Variants in KLRG1 observed in about 807,000 individuals in gnomAD.
KLRG1 encodes the protein killer cell lectin-like receptor subfamily G member 1.
A neutral mutation model predicts 21.8 loss-of-function variants in KLRG1; 16 were observed. The ratio of observed to expected loss-of-function variants is 0.73; its 90% CI spans 0.50 to 1.11. KLRG1 has a LOEUF of 1.11. KLRG1 is among the 50% of genes most tolerant of loss of function. The pLI is 0.00. For synonymous variants in KLRG1, 69 were observed against 75.9 expected, an observed-to-expected ratio of 0.91 and a Z score of 0.47; for missense variants, 173 against 218.3, an observed-to-expected ratio of 0.79 and a Z score of 1.31.
the KLRG1 span, among the ~76,000 whole-genome samples, chr12:9,037,615 A>G: frequency 0.24 from 35,789 of 152,006 alleles, 4,866 homozygotes; most frequent in East Asian, 0.32. Flanking sequence ...TTTCACATTC[A>G]CTCACCACTC....
At chr12:9,023,890 A>G in the KLRG1 span, among the ~76,000 whole-genome samples, 1 of 151,802 alleles carries the variant, frequency 6.6e-6, no homozygotes, top group East Asian at 1.9e-4. Context: ...GGTGTGAGAT[A>G]TAGGTTGAGG....
At chr12:9,199,875 T>G in the KLRG1 span, among the ~76,000 whole-genome samples, 1 of 152,096 alleles carries the variant, frequency 6.6e-6, no homozygotes, top group African/African-American at 2.4e-5. Context: ...TGTAGAGAGT[T>G]TGGAAAAAGA....
the KLRG1 span, chr12:9,112,729 G>A: frequency 1.9e-5 from 11 of 584,188 alleles, no homozygotes; most frequent in Admixed American, 3.0e-5. Flanking sequence ...ACAAGGTGGA[G>A]GAAAATAAAT....
chr12:9,170,611 G>T, the KLRG1 span, among the ~76,000 whole-genome samples: 5 of 152,184 alleles, frequency 3.3e-5, no homozygotes, highest in African/African-American at 4.8e-5. The surrounding 1 kb of genome is among the most constrained non-coding windows in gnomAD (Gnocchi z 4.6). Flanking sequence ...TGCAGGGAGA[G>T]GTGGGTGCCA....
At chr12:9,150,344 G>A in the KLRG1 span, among the ~76,000 whole-genome samples, 38,513 of 152,002 alleles carry the variant, frequency 0.25, 5,590 homozygotes, top group Admixed American at 0.33. Context: ...GTGCAATGGC[G>A]TGATCTCAGC....
At chr12:9,123,360 A>C in the KLRG1 span, among the ~76,000 whole-genome samples, 1 of 152,308 alleles carries the variant, frequency 6.6e-6, no homozygotes, top group East Asian at 1.9e-4. Flanking sequence ...ACAATATGCC[A>C]ACATCACTAC....
chr12:8,972,938 C>T lies in KLRG1; in HGVS notation c.-155-19268C>T, dbSNP rs140812121. Among the ~76,000 whole-genome samples the T allele has an allele frequency of 3.7e-3, 560 of 151,920 alleles. 6 individuals carry two copies. Among genetic ancestry groups the T allele is most frequent in the African/African-American group, 0.013 (539 of 41,422 alleles). ...GGTGGATCACCTGAGGTCAGGAGTTCGAGACCAGCCTGGGCAACATGGTGA... is the reference window on the plus strand; with the variant it reads ...GGTGGATCACCTGAGGTCAGGAGTTTGAGACCAGCCTGGGCAACATGGTGA... On this transcript the variant is annotated intron_variant, in intron 1 of 4. Coordinates refer to the KLRG1 transcript ENST00000539240.
At chr12:9,104,024 C>G in the KLRG1 span, among the ~76,000 whole-genome samples, 1 of 152,198 alleles carries the variant, frequency 6.6e-6, no homozygotes, top group South Asian at 2.1e-4. Context: ...ATTTTACGTT[C>G]CCAGCAACAC....
the KLRG1 span, chr12:9,074,521 A>G: frequency 6.5e-7 from 1 of 1,534,162 alleles, no homozygotes; most frequent in South Asian, 1.2e-5. Flanking sequence ...ATCTTTTGCT[A>G]CCTGAAGGTG....
the KLRG1 span, among the ~76,000 whole-genome samples, chr12:9,022,657 G>T: frequency 6.6e-5 from 10 of 152,066 alleles, no homozygotes; most frequent in African/African-American, 2.4e-4. Flanking sequence ...TCAACTCCAG[G>T]GATGTTGAAG....
At chr12:9,054,853 G>A in the KLRG1 span, among the ~76,000 whole-genome samples, 11 of 152,300 alleles carry the variant, frequency 7.2e-5, no homozygotes, top group African/African-American at 2.2e-4. Flanking sequence ...CTTTTCAAGT[G>A]CTGAAGTGAT....
chr12:9,057,686 G>C, the KLRG1 span: 1 of 152,584 alleles, frequency 6.6e-6, no homozygotes, highest in East Asian at 1.9e-4. Flanking sequence ...TTGTCTTGCA[G>C]AAGAGTGAAA....
the KLRG1 span, among the ~76,000 whole-genome samples, chr12:9,122,737 T>C: frequency 6.6e-6 from 1 of 152,182 alleles, no homozygotes; most frequent in Non-Finnish European, 1.5e-5. Flanking sequence ...GTATAAGGTA[T>C]TATTGAAAGT....
the KLRG1 span, among the ~76,000 whole-genome samples, chr12:9,039,068 T>C: frequency 7.2e-5 from 11 of 152,320 alleles, no homozygotes; most frequent in East Asian, 2.1e-3. Context: ...GTATGGAGGC[T>C]CTGGTTGGAG....
At chr12:9,053,447 G>A in the KLRG1 span, among the ~76,000 whole-genome samples, 1 of 152,092 alleles carries the variant, frequency 6.6e-6, no homozygotes. Flanking sequence ...GAAAATGCTC[G>A]CGACCCCACC....
the KLRG1 span, chr12:9,160,188 A>G: frequency 1.8e-6 from 2 of 1,088,492 alleles, no homozygotes; most frequent in Admixed American, 2.3e-5. Context: ...ATCCTATTAG[A>G]GTGTGGGAAG....
At chr12:9,003,766 A>T (rs1296149901) in intron 3 of KLRG1, among the ~76,000 whole-genome samples, 2 of 151,682 alleles carry the variant, frequency 1.3e-5, no homozygotes, top group Admixed American at 1.3e-4. Flanking sequence ...GGTTAGTTAC[A>T]TATGTATACA....
chr12:9,191,356 GA>G, the KLRG1 span, among the ~76,000 whole-genome samples: 1 of 151,908 alleles, frequency 6.6e-6, no homozygotes, highest in African/African-American at 2.4e-5. Context: ...CTAGTATTGG[GA>G]AAAAACTGAT....
upstream of KLRG1, among the ~76,000 whole-genome samples, chr12:8,987,989 C>G (rs1946872767): frequency 1.3e-5 from 2 of 152,174 alleles, no homozygotes; most frequent in African/African-American, 4.8e-5. Context: ...TTGGTTGGTG[C>G]TACTAAGCAA....
Sources: allele counts gnomAD v4.1 joint callset (sites outside exome capture counted in the v4.1 genomes callset), GRCh38; gene constraint gnomAD v4.1.1; non-coding constraint Gnocchi (gnomAD v3.1); transcripts MANE v1.5; gene names NCBI Gene and HGNC (gene_info 2026-07-23, HGNC 2026-07-21).